Variants in HPS1 observed in about 807,000 individuals in gnomAD.
The protein encoded by HPS1 is HPS1 biogenesis of lysosomal organelles complex 3 subunit 1, also known as BLOC-3 complex member HPS1.
HPS1 carries 59 observed loss-of-function variants against 90.6 expected under a neutral mutation model. The observed-to-expected ratio is 0.65, with a 90% CI of 0.53 to 0.81. The LOEUF is 0.81. Ranked by LOEUF, HPS1 falls within the 30% of genes least tolerant of loss-of-function variation. HPS1 has a pLI of 0.00. For missense variants in HPS1, 849 were observed against 896.7 expected (o/e 0.95, Z 0.68); for synonymous variants, 388 against 384.4 (o/e 1.01, Z -0.11).
At chr10:98,436,129 A>C (rs7082038) in intron 3 of HPS1, among the ~76,000 whole-genome samples, 19,538 of 152,208 alleles carry the variant, frequency 0.13, 1,516 homozygotes, top group South Asian at 0.22. Flanking sequence ...CAATAAGTCT[A>C]CTTTGGAAAA....
intron 3 of HPS1, among the ~76,000 whole-genome samples, chr10:98,437,281 G>A (rs1448547300): frequency 6.6e-6 from 1 of 152,040 alleles, no homozygotes; most frequent in South Asian, 2.1e-4. Flanking sequence ...ACAGATAGGC[G>A]AGAATTCCAT....
chr10:98,416,059 T>C (rs1173977586), downstream of HPS1: 1 of 152,340 alleles, frequency 6.6e-6, no homozygotes. Context: ...TGCTCTGATA[T>C]CGCAGTGTGA....
In HPS1 at chr10:98,424,281, A is replaced by G. The variant is rs778478801; in HGVS notation, c.1397+32T>C. 4.5e-6 allele frequency: 7 copies of G among 1,565,570 alleles called. No individual in the cohort carries two copies. In the East Asian group the frequency reaches 1.6e-4, roughly 35 times the overall value. On this transcript the variant is annotated intron_variant, in intron 14 of 19. Coordinates refer to ENST00000361490, the MANE Select transcript of HPS1 (RefSeq NM_000195.5). ...CAGGGAACAGTCCCCTGGGCACACG[A>G]CCCACCCCTTGTCCTGAGGCCCACC...
intron 10 of HPS1, 26 bp from the exon 11 acceptor site, chr10:98,427,290 C>G (rs1388905241): frequency 6.5e-7 from 1 of 1,539,936 alleles, no homozygotes; most frequent in African/African-American, 1.4e-5. Context: ...AATAACATAA[C>G]GATGTAAGTA....
chr10:98,432,714 T>A (rs1846655139), intron 6 of HPS1, among the ~76,000 whole-genome samples: 1 of 152,274 alleles, frequency 6.6e-6, no homozygotes, highest in African/African-American at 2.4e-5. Context: ...AGTTATTTTA[T>A]ATTCTATACC....
rs1804689 is a variant in HPS1 at position 98,445,350 on chromosome 10, G to T, written c.-51C>A. 0.29 allele frequency: 43,625 copies of T among 152,854 alleles called. 7,053 individuals carry two copies. The highest frequency in any genetic ancestry group is 0.43 in the East Asian group (2,262 of 5,306). 9.5% of individuals were successfully genotyped at this position (152,854 alleles called of 1,614,324 possible). A position where few individuals can be genotyped will look rare whatever the true frequency, so the allele number is the denominator to read the frequency against. On this transcript the variant is annotated 5_prime_UTR_variant, in exon 2 of 20. Transcript: ENST00000361490. This position sits in a 1 kb window ranked among gnomAD's most constrained non-coding sequence, Gnocchi z 4.5. ...GACGGCCAGAGGTTCAGAAAGGGCTGCAGCAGACCGACTCGGTGACTGGCT... is the reference window on the plus strand; with the variant it reads ...GACGGCCAGAGGTTCAGAAAGGGCTTCAGCAGACCGACTCGGTGACTGGCT...
chr10:98,417,951 C>T lies in HPS1; in HGVS notation c.1940+224G>A, dbSNP rs1033123738. On this transcript the variant is annotated intron_variant, in intron 19 of 19. Coordinates refer to ENST00000361490, the MANE Select transcript of HPS1 (RefSeq NM_000195.5). The surrounding 1 kb of genome is among the most constrained non-coding windows in gnomAD (Gnocchi z 4.2). The stretch of plus-strand genomic sequence containing the variant: ...TTCTGGGCCGGGCACAGACGTTCCC[C>T]GTGCTGCCAAGACCATGCCAGCAGG... Among the ~76,000 whole-genome samples the T allele has an allele frequency of 2.0e-5, 3 of 152,136 alleles. No homozygotes were observed. Among genetic ancestry groups the T allele is most frequent in the Non-Finnish European group, 2.9e-5 (2 of 68,022 alleles).
At chr10:98,414,726 G>A (rs565419688), downstream of HPS1, 3 of 383,604 alleles carry the variant, frequency 7.8e-6, no homozygotes, top group South Asian at 1.7e-4. Flanking sequence ...AAACCCCTGA[G>A]CTCACCTAGT....
Position 98,442,622 on chromosome 10 carries a change from C to T in HPS1, c.117+502G>A, listed in dbSNP as rs1768269949. 6 of 192,912 alleles carry T rather than the reference C, an allele frequency of 3.1e-5. No homozygotes were observed. The South Asian group carries it at 5.0e-4, about 16-fold the overall frequency. The allele number at this position is 192,912 out of a possible 1,614,324, so 12.0% of individuals were successfully genotyped here. ...CTGGACTCAAGTGATCCTCCCACCT[C>T]AACCTCCCAAGTAGCTGGGACTATA... is the stretch of plus-strand genomic sequence containing the variant. On this transcript the variant is annotated intron_variant, in intron 3 of 19. Transcript: ENST00000361490.
intron 10 of HPS1, among the ~76,000 whole-genome samples, chr10:98,427,643 C>T (rs1255961935): frequency 1.3e-5 from 2 of 152,136 alleles, no homozygotes; most frequent in Non-Finnish European, 2.9e-5. Context: ...CCTCAACCCG[C>T]CCCTCAGGAG....
chr10:98,429,417 G>A (rs1194887175), intron 10 of HPS1, 156 bp downstream of exon 10: 38 of 1,541,226 alleles, frequency 2.5e-5, no homozygotes, highest in African/African-American at 5.5e-5. Flanking sequence ...AGGGAAGATG[G>A]GGAGCCGCAG....
downstream of HPS1, chr10:98,415,083 G>A (rs748020237): frequency 8.1e-6 from 13 of 1,613,906 alleles, no homozygotes; most frequent in African/African-American, 5.3e-5. Context: ...TCTCCACGCC[G>A]GGAAGGGAGA....
Position 98,417,440 on chromosome 10 carries a change from C to T in HPS1, c.*124G>A. On this transcript the variant is annotated 3_prime_UTR_variant, in exon 20 of 20. Transcript: ENST00000361490. The surrounding 1 kb of genome is among the most constrained non-coding windows in gnomAD (Gnocchi z 4.2). ...TGGGGTTTTAGAAGCCCTGGGGCCA[C>T]CCTGGGCACTCTGCCCTATCCTCAG... 3.5e-6 allele frequency: 3 copies of T among 847,172 alleles called. No homozygotes were observed. Among genetic ancestry groups the T allele is most frequent in the Admixed American group, 2.6e-5 (1 of 38,674 alleles). 52.5% of individuals were successfully genotyped at this position (847,172 alleles called of 1,614,324 possible).
chr10:98,424,266 T>A lies in HPS1; in HGVS notation c.1397+47A>T, dbSNP rs187893834. ...GGAGATGTGGCCTCCCAGGGAACAG[T>A]CCCCTGGGCACACGACCCACCCCTT... On this transcript the variant is annotated intron_variant, in intron 14 of 19. Transcript: ENST00000361490. 4.2e-6 allele frequency: 6 copies of A among 1,418,064 alleles called. No individual in the cohort carries two copies. The Admixed American group carries it at 5.1e-5, about 12-fold the overall frequency. The allele number at this position is 1,418,064 out of a possible 1,614,324, so 87.8% of individuals were successfully genotyped here.
downstream of HPS1, among the ~76,000 whole-genome samples, chr10:98,415,803 C>G (rs138200598): frequency 6.6e-6 from 1 of 152,344 alleles, no homozygotes; most frequent in African/African-American, 2.4e-5. Flanking sequence ...GGGGCAAGTT[C>G]GCTGTCTGTA....
chr10:98,426,537 T>C (rs1456248244), intron 11 of HPS1, among the ~76,000 whole-genome samples: 5 of 152,216 alleles, frequency 3.3e-5, no homozygotes, highest in Non-Finnish European at 7.3e-5. Context: ...TCCTCTTCAG[T>C]GTCATACCTA....
At chr10:98,436,241 TA>T (rs1452584119) in intron 3 of HPS1, among the ~76,000 whole-genome samples, 1 of 152,202 alleles carries the variant, frequency 6.6e-6, no homozygotes, top group Non-Finnish European at 1.5e-5. Flanking sequence ...AAAAAAATGT[TA>T]ACATCTAGTA....
rs1847221219 is a variant in HPS1, at chr10:98,435,693, G to A, written c.197C>T (p.Ser66Leu). 5 of 1,614,010 alleles carry A rather than the reference G, an allele frequency of 3.1e-6. No individual in the cohort carries two copies. Among genetic ancestry groups the A allele is most frequent in the Non-Finnish European group, 4.2e-6 (5 of 1,180,020 alleles). Residue 66 changes from serine to leucine, a missense_variant, in exon 4 of 20, where the codon TCG becomes TTG. Transcript: ENST00000361490. This position sits in a 1 kb window ranked among gnomAD's most constrained non-coding sequence, Gnocchi z 4.3. ...ISSMTMLEKL[S>L]DTYTCFSTEN... ...CGTGGAGAAGCAGGTGTAGGTGTCC[G>A]AGAGCTTCTCCAGCATCGTCATGGA...
At chr10:98,431,050 T>G (rs1591090868) in intron 7 of HPS1, 81 bp downstream of exon 7, 7 of 1,435,808 alleles carry the variant, frequency 4.9e-6, no homozygotes, top group Non-Finnish European at 4.8e-6. Flanking sequence ...GCTGGGCAGG[T>G]GGTGCTTTTC....
Sources: allele counts gnomAD v4.1 joint callset (sites outside exome capture counted in the v4.1 genomes callset), GRCh38; gene constraint gnomAD v4.1.1; non-coding constraint Gnocchi (gnomAD v3.1); transcripts MANE v1.5; gene names NCBI Gene and HGNC (gene_info 2026-07-23, HGNC 2026-07-21).